NHSL2: variants seen among roughly 807,000 people sequenced by gnomAD.
The protein encoded by NHSL2 is NHS like 2, also known as NHS-like protein 2.
NHSL2 carries 27 observed loss-of-function variants against 53.4 expected under a neutral mutation model. The ratio of observed to expected loss-of-function variants is 0.51; its 90% CI spans 0.37 to 0.70. The LOEUF is 0.70. Among genes scored for constraint, NHSL2 ranks in the 30% least tolerant of loss-of-function variants. The pLI, the probability that NHSL2 is intolerant of heterozygous loss-of-function variation, is 0.00. For missense variants in NHSL2, 892 were observed against 980.1 expected, an observed-to-expected ratio of 0.91 and a Z score of 1.20; for synonymous variants, 408 against 404.1, an observed-to-expected ratio of 1.01 and a Z score of -0.12.
At position 72,140,184 on chromosome X, in the gene NHSL2, G is replaced by A. The variant is rs760461620; in HGVS notation, c.2636G>A (p.Arg879Gln). ...PPVAEKPPVA[R>Q]RPPSLVHKPP... Reference sequence around the variant, plus strand: ...GTAGCTGAGAAGCCTCCGGTGGCCCGGAGGCCTCCAAGCTTGGTCCACAAG... The same window carrying A: ...GTAGCTGAGAAGCCTCCGGTGGCCCAGAGGCCTCCAAGCTTGGTCCACAAG... The change falls in exon 6 of 8, where the codon CGG becomes CAG. Residue 879 changes from arginine to glutamine, a missense_variant. Coordinates refer to ENST00000633930, the MANE Select transcript of NHSL2 (RefSeq NM_001013627.3). 26 of 1,208,279 alleles carry A rather than the reference G, an allele frequency of 2.2e-5. No individual in the cohort carries two copies. The highest frequency in any genetic ancestry group is 1.2e-4 in the East Asian group (4 of 33,725).
At chrX:72,089,704 T>C (rs909343213) in intron 1 of NHSL2, among the ~76,000 whole-genome samples, 1 of 111,020 alleles carries the variant, frequency 9.0e-6, no homozygotes, top group Admixed American at 9.6e-5. Context: ...TGGGTCTGTC[T>C]GCTCTGAGAA....
chrX:72,129,850 C>T lies in NHSL2; in HGVS notation c.281-2229C>T, dbSNP rs185578797. ...CAGCACTCAAACTCGAATTCGGCCACGAGCAGCTCGGTGGCCCCCCTGTCT... is the reference window on the plus strand; with the variant it reads ...CAGCACTCAAACTCGAATTCGGCCATGAGCAGCTCGGTGGCCCCCCTGTCT... On this transcript the variant is annotated intron_variant, in intron 1 of 7. Coordinates refer to ENST00000633930, the MANE Select transcript of NHSL2 (RefSeq NM_001013627.3). 2.9e-4 allele frequency: 350 copies of T among 1,193,610 alleles called. No individual in the cohort carries two copies. In the African/African-American group the frequency reaches 4.9e-3, roughly 17 times the overall value.
At chrX:71,948,230 TG>T (rs1430415792) in intron 1 of NHSL2, among the ~76,000 whole-genome samples, 5 of 112,319 alleles carry the variant, frequency 4.5e-5, no homozygotes. Context: ...TGAGGCAGTT[TG>T]GCCCAGGCAG....
intron 1 of NHSL2, among the ~76,000 whole-genome samples, chrX:72,035,947 G>C (rs1303360233): frequency 8.9e-6 from 1 of 111,815 alleles, no homozygotes; most frequent in Admixed American, 9.4e-5. Flanking sequence ...CCTCCTGTCT[G>C]ATCAGTGGGG....
At chrX:72,085,857 C>G (rs974518820) in intron 1 of NHSL2, among the ~76,000 whole-genome samples, 2 of 110,147 alleles carry the variant, frequency 1.8e-5, no homozygotes, top group Admixed American at 9.7e-5. Flanking sequence ...CCCTCTCCCC[C>G]ACCTTTGTGC....
intron 1 of NHSL2, among the ~76,000 whole-genome samples, chrX:71,924,326 C>A (rs191230762): frequency 3.3e-4 from 37 of 111,947 alleles, no homozygotes; most frequent in African/African-American, 1.1e-3. Flanking sequence ...GGCATTCCTT[C>A]CTGTTTACGG....
intron 1 of NHSL2, among the ~76,000 whole-genome samples, chrX:72,024,718 C>T (rs1268890522): frequency 8.9e-6 from 1 of 111,764 alleles, no homozygotes; most frequent in African/African-American, 3.3e-5. Flanking sequence ...TATCACATTA[C>T]GGTTGTGGCA....
chrX:71,980,101 G>A (rs2041968541), intron 1 of NHSL2, among the ~76,000 whole-genome samples: 1 of 111,733 alleles, frequency 8.9e-6, no homozygotes, highest in Admixed American at 9.5e-5. Context: ...TGAGGGCTCT[G>A]TTCTGTTCCA....
At chrX:71,992,520 T>G (rs1306949459) in intron 1 of NHSL2, among the ~76,000 whole-genome samples, 1 of 112,264 alleles carries the variant, frequency 8.9e-6, no homozygotes, top group Admixed American at 9.4e-5. Context: ...CTCTGCTGCT[T>G]AGGAACTCAG....
chrX:71,928,097 A>G (rs1376312320), intron 1 of NHSL2, among the ~76,000 whole-genome samples: 1 of 112,792 alleles, frequency 8.9e-6, no homozygotes, highest in African/African-American at 3.2e-5. Flanking sequence ...TGAAACAGGT[A>G]CTATTTTCCC....
At chrX:71,942,207 G>A (rs2041769334) in intron 1 of NHSL2, among the ~76,000 whole-genome samples, 1 of 112,031 alleles carries the variant, frequency 8.9e-6, no homozygotes, top group Non-Finnish European at 1.9e-5. Context: ...CAATGTGAGG[G>A]GATCCTTCAC....
chrX:72,086,683 CAAAAAA>C (rs34481140), intron 1 of NHSL2, among the ~76,000 whole-genome samples: 2 of 22,484 alleles, frequency 8.9e-5, no homozygotes, highest in Non-Finnish European at 1.6e-4. Flanking sequence ...AACTCCATCT[CAAAAAA>C]AAAAAAAAAA....
chrX:72,097,640 A>G (rs1024635335), intron 1 of NHSL2, among the ~76,000 whole-genome samples: 6 of 111,822 alleles, frequency 5.4e-5, no homozygotes, highest in African/African-American at 2.0e-4. Context: ...GGAAGCTATT[A>G]TCTGCTTGAC....
intron 4 of NHSL2, among the ~76,000 whole-genome samples, chrX:72,136,697 C>T (rs1402327866): frequency 1.8e-5 from 2 of 112,427 alleles, no homozygotes; most frequent in African/African-American, 6.5e-5. Flanking sequence ...CGCTGCTCTA[C>T]ACCAGTGGTT....
Position 72,140,003 on chromosome X carries a change from A to G in NHSL2, c.2455A>G (p.Ile819Val), listed in dbSNP as rs2042399798. 8.3e-6 allele frequency: 10 copies of G among 1,210,278 alleles called. No homozygotes were observed. The highest frequency in any genetic ancestry group is 2.2e-5 in the Admixed American group (1 of 45,951). The change falls in exon 6 of 8, where the codon ATC becomes GTC. Residue 819 changes from isoleucine to valine, a missense_variant. Transcript: ENST00000633930. ...LAQKTNPNQP[I>V]MPMVTQSDLR... ...CCAGAAAACTAATCCCAACCAGCCA[A>G]TCATGCCTATGGTTACTCAGTCCGA...
intron 1 of NHSL2, among the ~76,000 whole-genome samples, chrX:71,913,248 C>G (rs991736891): frequency 9.0e-6 from 1 of 111,269 alleles, no homozygotes; most frequent in Non-Finnish European, 1.9e-5. Flanking sequence ...AATGCCCTAC[C>G]CTAGACTCCC....
At chrX:71,946,725 CTAACTGGG>C in intron 1 of NHSL2, among the ~76,000 whole-genome samples, 1 of 112,182 alleles carries the variant, frequency 8.9e-6, no homozygotes, top group South Asian at 3.7e-4. Context: ...AGCTTTTCTG[CTAACTGGG>C]TAACTGGGTA....
Position 72,034,193 on chromosome X carries a change from G to C in NHSL2, c.281-97886G>C, listed in dbSNP as rs1427839679. ...TGGATTATATGGTTATTCTTCTTTAGCCTGTTGATGTAGTAGATTACATTG... is the reference window on the plus strand; with the variant it reads ...TGGATTATATGGTTATTCTTCTTTACCCTGTTGATGTAGTAGATTACATTG... On this transcript the variant is annotated intron_variant, in intron 1 of 7. Coordinates refer to ENST00000633930, the MANE Select transcript of NHSL2 (RefSeq NM_001013627.3). Among the ~76,000 whole-genome samples the C allele has an allele frequency of 4.5e-5, 5 of 112,002 alleles. No individual in the cohort carries two copies. The East Asian group carries it at 1.4e-3, about 31-fold the overall frequency.
At chrX:72,053,118 A>C (rs866444203) in intron 1 of NHSL2, among the ~76,000 whole-genome samples, 3 of 112,386 alleles carry the variant, frequency 2.7e-5, no homozygotes, top group Non-Finnish European at 5.6e-5. Context: ...AGAAGAACAT[A>C]ATGACCAGAA....
Sources: allele counts gnomAD v4.1 joint callset (sites outside exome capture counted in the v4.1 genomes callset), GRCh38; gene constraint gnomAD v4.1.1; transcripts MANE v1.5; gene names NCBI Gene and HGNC (gene_info 2026-07-23, HGNC 2026-07-21).